Variants in FNDC4 observed in about 807,000 individuals in gnomAD.
FNDC4 encodes fibronectin type III domain containing 4, also known as fibronectin type III domain-containing protein 4.
Under a neutral mutation model 25.1 loss-of-function variants are expected in FNDC4, and 11 were observed. That is an observed-to-expected ratio of 0.44 (90% CI 0.28 to 0.73). The LOEUF (loss-of-function observed/expected upper bound fraction) is 0.73. Ranked by LOEUF, FNDC4 falls within the 30% of genes least tolerant of loss-of-function variation. FNDC4 has a pLI of 0.16. For missense variants in FNDC4, 250 were observed against 304.3 expected (o/e 0.82, Z 1.33); for synonymous variants, 136 against 118.8 (o/e 1.14, Z -0.94).
In FNDC4 at chr2:27,494,150, G is replaced by A; in HGVS notation, c.250-16C>T. Reference sequence around the variant, plus strand: ...CATTCTGCCGCTGCAGGGAGATGAGGGGAGAGGAGGACAGCCTCACCCCAG... The same window carrying A: ...CATTCTGCCGCTGCAGGGAGATGAGAGGAGAGGAGGACAGCCTCACCCCAG... On this transcript the variant is annotated splice_polypyrimidine_tract_variant and intron_variant, in intron 3 of 6. Transcript: ENST00000264703. This position sits in a 1 kb window ranked among gnomAD's most constrained non-coding sequence, Gnocchi z 4.6. 6.2e-7 allele frequency: 1 copy of A among 1,611,626 alleles called. No individual in the cohort carries two copies. Among genetic ancestry groups the A allele is most frequent in the Non-Finnish European group, 8.5e-7 (1 of 1,178,708 alleles).
Position 27,494,019 on chromosome 2 carries a change from C to A in FNDC4, c.365G>T (p.Gly122Val). 1 of 1,614,218 alleles carries A rather than the reference C, an allele frequency of 6.2e-7. No homozygotes were observed. Among genetic ancestry groups the A allele is most frequent in the Non-Finnish European group, 8.5e-7 (1 of 1,180,020 alleles). Residue 122 changes from glycine to valine, a missense_variant, in exon 4 of 7, where the codon GGC becomes GTC. Physicochemically the swap from Gly to Val is moderately radical, Grantham distance 109 (BLOSUM62 -3). Transcript: ENST00000264703. The surrounding 1 kb of genome is among the most constrained non-coding windows in gnomAD (Gnocchi z 4.6). ...CCCTGGGGGACTCTCTCCCCGAAGGCCGATGCTCCTGACCTGCACTGTGTA... is the reference window on the plus strand; with the variant it reads ...CCCTGGGGGACTCTCTCCCCGAAGGACGATGCTCCTGACCTGCACTGTGTA... ...SDYTVQVRSI[G>V]LRGESPPGPR...
chr2:27,494,274 A>C lies in FNDC4; in HGVS notation c.249+77T>G. Reference sequence around the variant, plus strand: ...CCTGAGCCAGGATACGCCAGCTTCCAGATCCCCCCCACTTAAGTGAAGAAA... The same window carrying C: ...CCTGAGCCAGGATACGCCAGCTTCCCGATCCCCCCCACTTAAGTGAAGAAA... On this transcript the variant is annotated intron_variant, in intron 3 of 6. Coordinates refer to ENST00000264703, the MANE Select transcript of FNDC4 (RefSeq NM_022823.3). The surrounding 1 kb of genome is among the most constrained non-coding windows in gnomAD (Gnocchi z 4.6). 1 of 1,430,726 alleles carries C rather than the reference A, an allele frequency of 7.0e-7. No individual in the cohort carries two copies. Among genetic ancestry groups the C allele is most frequent in the Non-Finnish European group, 9.8e-7 (1 of 1,023,050 alleles). 88.6% of individuals were successfully genotyped at this position (1,430,726 alleles called of 1,614,324 possible). A position where few individuals can be genotyped will look rare whatever the true frequency, so the allele number is the denominator to read the frequency against.
At position 27,493,480 on chromosome 2, in the gene FNDC4, T is replaced by TGAGAAGG; in HGVS notation, c.455-9_455-3dup. The TGAGAAGG allele has an allele frequency of 2.5e-6, 4 of 1,611,350 alleles. No individual in the cohort carries two copies. The highest frequency in any genetic ancestry group is 3.4e-6 in the Non-Finnish European group (4 of 1,177,646). On this transcript the variant is annotated splice_region_variant and splice_polypyrimidine_tract_variant and intron_variant, in intron 4 of 6. Coordinates refer to ENST00000264703, the MANE Select transcript of FNDC4 (RefSeq NM_022823.3). ...CCAGACCTTCCACTGTGATGTCACC[T>TGAGAAGG]GAGAAGGGAGAAGGCAGAAGGCAGA...
Position 27,492,543 on chromosome 2 carries a change from GC to G in FNDC4, c.670-66del. On this transcript the variant is annotated intron_variant, in intron 6 of 6. Transcript: ENST00000264703. This position sits in a 1 kb window ranked among gnomAD's most constrained non-coding sequence, Gnocchi z 4.1. ...TAATAGGTGCCACCCTTTCTCTCCA[GC>G]CTCCCCCATCCCAGATCTTCCATTC... 6.3e-7 allele frequency: 1 copy of G among 1,589,830 alleles called. No homozygotes were observed. The highest frequency in any genetic ancestry group is 8.6e-7 in the Non-Finnish European group (1 of 1,157,998).
intron 5 of FNDC4, 114 bp downstream of exon 5, chr2:27,493,275 G>A: frequency 7.2e-6 from 6 of 836,742 alleles, no homozygotes; most frequent in Non-Finnish European, 1.2e-5. Flanking sequence ...GCCTCCCAAA[G>A]TGCTGGGATT....
chr2:27,493,644 T>C (rs1258292426), intron 4 of FNDC4, among the ~76,000 whole-genome samples, 166 bp from the exon 5 acceptor site: 2 of 152,134 alleles, frequency 1.3e-5, no homozygotes, highest in African/African-American at 4.8e-5. Flanking sequence ...GACAGGTGGT[T>C]AGCGACCAAA....
chr2:27,493,995 C>T lies in FNDC4; in HGVS notation c.389G>A (p.Gly130Glu), dbSNP rs1445400408. The T allele has an allele frequency of 1.9e-6, 3 of 1,614,210 alleles. No homozygotes were observed. Among genetic ancestry groups the T allele is most frequent in the Non-Finnish European group, 2.5e-6 (3 of 1,180,044 alleles). Residue 130 changes from glycine (G) to glutamate (E), a missense_variant, in exon 4 of 7, where the codon GGG becomes GAG. By Grantham distance (98) the Gly-to-Glu change is moderately conservative (BLOSUM62 -2). Transcript: ENST00000264703. ...SIGLRGESPP[G>E]PRVHFRTLKG... Reference sequence around the variant, plus strand: ...GAGAGTTCGGAAGTGCACCCGGGGCCCTGGGGGACTCTCTCCCCGAAGGCC... The same window carrying T: ...GAGAGTTCGGAAGTGCACCCGGGGCTCTGGGGGACTCTCTCCCCGAAGGCC...
In FNDC4 at chr2:27,494,601, G is replaced by T; in HGVS notation, c.79C>A (p.Leu27Ile). 6.2e-7 allele frequency: 1 copy of T among 1,612,158 alleles called. No homozygotes were observed. The highest frequency in any genetic ancestry group is 1.7e-4 in the Middle Eastern group (1 of 6,044). The change falls in exon 2 of 7, where the codon CTA becomes ATA. Residue 27 changes from leucine (L) to isoleucine (I), a missense_variant. Leu to Ile is a conservative substitution (Grantham distance 5). Coordinates refer to ENST00000264703, the MANE Select transcript of FNDC4 (RefSeq NM_022823.3). This position sits in a 1 kb window ranked among gnomAD's most constrained non-coding sequence, Gnocchi z 4.6. ...ACCAGCAGGAGGACCGTGGGGCTTA[G>T]ATATGGGGAAAGGGGCACCAGCGAA... ...MASLVPLSPY[L>I]SPTVLLLVSC...
chr2:27,494,340 G>T lies in FNDC4; in HGVS notation c.249+11C>A. ...GGACACAGGTTGGGGGAGCAGAAGGGTGATTCATACTTGCTGGGAAATGGA... is the reference window on the plus strand; with the variant it reads ...GGACACAGGTTGGGGGAGCAGAAGGTTGATTCATACTTGCTGGGAAATGGA... On this transcript the variant is annotated intron_variant, in intron 3 of 6. Coordinates refer to ENST00000264703, the MANE Select transcript of FNDC4 (RefSeq NM_022823.3). This position sits in a 1 kb window ranked among gnomAD's most constrained non-coding sequence, Gnocchi z 4.6. 2 of 1,600,630 alleles carry T rather than the reference G, an allele frequency of 1.2e-6. No homozygotes were observed. The highest frequency in any genetic ancestry group is 1.7e-6 in the Non-Finnish European group (2 of 1,167,672).
chr2:27,494,971 C>G lies in FNDC4; in HGVS notation c.-118G>C, dbSNP rs986172091. 1 of 248,670 alleles carries G rather than the reference C, an allele frequency of 4.0e-6. No homozygotes were observed. The highest frequency in any genetic ancestry group is 2.2e-5 in the African/African-American group (1 of 44,574). The allele number at this position is 248,670 out of a possible 1,614,324, so 15.4% of individuals were successfully genotyped here. On this transcript the variant is annotated 5_prime_UTR_variant, in exon 1 of 7. The change abolishes an upstream ATG in the 5' untranslated region. Coordinates refer to ENST00000264703, the MANE Select transcript of FNDC4 (RefSeq NM_022823.3). The surrounding 1 kb of genome is among the most constrained non-coding windows in gnomAD (Gnocchi z 4.6). ...CGACTCGGTGGCGCTGCCCCTACCC[C>G]ATCCCGGCGCGGGCCCGGCGACGCG... is the stretch of plus-strand genomic sequence containing the variant.
chr2:27,494,019 C>G lies in FNDC4; in HGVS notation c.365G>C (p.Gly122Ala). Residue 122 changes from glycine (G) to alanine (A), a missense_variant, in exon 4 of 7, where the codon GGC (glycine) becomes GCC (alanine). Transcript: ENST00000264703. This position sits in a 1 kb window ranked among gnomAD's most constrained non-coding sequence, Gnocchi z 4.6. ...CCCTGGGGGACTCTCTCCCCGAAGG[C>G]CGATGCTCCTGACCTGCACTGTGTA... ...SDYTVQVRSI[G>A]LRGESPPGPR... 6.2e-7 allele frequency: 1 copy of G among 1,614,218 alleles called. No homozygotes were observed. The highest frequency in any genetic ancestry group is 8.5e-7 in the Non-Finnish European group (1 of 1,180,020).
In FNDC4 at chr2:27,492,339, AT is replaced by A. The variant is rs944705023; in HGVS notation, c.*103del. 1.7e-5 allele frequency: 24 copies of A among 1,395,944 alleles called. No individual in the cohort carries two copies. In the African/African-American group the frequency reaches 2.4e-4, roughly 14 times the overall value. 86.5% of individuals were successfully genotyped at this position (1,395,944 alleles called of 1,614,324 possible). A position where few individuals can be genotyped will look rare whatever the true frequency, so the allele number is the denominator to read the frequency against. On this transcript the variant is annotated 3_prime_UTR_variant, in exon 7 of 7. Coordinates refer to ENST00000264703, the MANE Select transcript of FNDC4 (RefSeq NM_022823.3). This position sits in a 1 kb window ranked among gnomAD's most constrained non-coding sequence, Gnocchi z 4.1. The stretch of plus-strand genomic sequence containing the variant: ...CCAGGCCTGAGATTGTGGGAGTGGC[AT>A]TACCCTCTGGGAGTCTCGGGCAGAT...
chr2:27,493,913 A>G lies in FNDC4; in HGVS notation c.454+17T>C, dbSNP rs780934969. The G allele has an allele frequency of 2.5e-6, 4 of 1,612,346 alleles. No homozygotes were observed. The highest frequency in any genetic ancestry group is 2.7e-5 in the African/African-American group (2 of 74,920). Reference sequence around the variant, plus strand: ...GCCAGGTAAGCAGCCAGAGAATCCAATAGCACAGATCCTCACCTGGGCTTG... The same window carrying G: ...GCCAGGTAAGCAGCCAGAGAATCCAGTAGCACAGATCCTCACCTGGGCTTG... On this transcript the variant is annotated intron_variant, in intron 4 of 6. Coordinates refer to ENST00000264703, the MANE Select transcript of FNDC4 (RefSeq NM_022823.3).
Position 27,492,256 on chromosome 2 carries a change from C to T in FNDC4, c.*187G>A, listed in dbSNP as rs750613035. The T allele has an allele frequency of 1.5e-6, 1 of 683,374 alleles. No individual in the cohort carries two copies. Among genetic ancestry groups the T allele is most frequent in the Non-Finnish European group, 2.6e-6 (1 of 387,744 alleles). The allele number at this position is 683,374 out of a possible 1,614,324, so 42.3% of individuals were successfully genotyped here. A position where few individuals can be genotyped will look rare whatever the true frequency, so the allele number is the denominator to read the frequency against. On this transcript the variant is annotated 3_prime_UTR_variant, in exon 7 of 7. Transcript: ENST00000264703. This position sits in a 1 kb window ranked among gnomAD's most constrained non-coding sequence, Gnocchi z 4.1. Reference sequence around the variant, plus strand: ...GATATCCACTCCCCAGGTCCAGGGGCACAGACTCTGAACAGACCTACCTTC... The same window carrying T: ...GATATCCACTCCCCAGGTCCAGGGGTACAGACTCTGAACAGACCTACCTTC...
chr2:27,492,850 A>C lies in FNDC4; in HGVS notation c.545-60T>G. ...CTTCCCCCCTCATAGGGAGATACCT[A>C]CGTAGCTTCTAGAAAATCCATGAAG... On this transcript the variant is annotated intron_variant, in intron 5 of 6. Transcript: ENST00000264703. The surrounding 1 kb of genome is among the most constrained non-coding windows in gnomAD (Gnocchi z 4.1). 6.2e-7 allele frequency: 1 copy of C among 1,600,356 alleles called. No individual in the cohort carries two copies. The highest frequency in any genetic ancestry group is 8.5e-7 in the Non-Finnish European group (1 of 1,170,584).
At position 27,494,291 on chromosome 2, in the gene FNDC4, G is replaced by A. The variant is rs1669328049; in HGVS notation, c.249+60C>T. 2 of 1,490,332 alleles carry A rather than the reference G, an allele frequency of 1.3e-6. No individual in the cohort carries two copies. Among genetic ancestry groups the A allele is most frequent in the Non-Finnish European group, 1.9e-6 (2 of 1,072,628 alleles). The allele number at this position is 1,490,332 out of a possible 1,614,324, so 92.3% of individuals were successfully genotyped here. On this transcript the variant is annotated intron_variant, in intron 3 of 6. Transcript: ENST00000264703. This position sits in a 1 kb window ranked among gnomAD's most constrained non-coding sequence, Gnocchi z 4.6. ...CAGCTTCCAGATCCCCCCCACTTAA[G>A]TGAAGAAATGTGCCGAAATCCAAGG...
chr2:27,492,804 CA>C lies in FNDC4; in HGVS notation c.545-15del. On this transcript the variant is annotated splice_polypyrimidine_tract_variant and intron_variant, in intron 5 of 6. Coordinates refer to ENST00000264703, the MANE Select transcript of FNDC4 (RefSeq NM_022823.3). The surrounding 1 kb of genome is among the most constrained non-coding windows in gnomAD (Gnocchi z 4.1). ...GCCCAATTACAGCTGAAACACAATACAGTCTGAGCCTTCATCTCCACTTCCC... is the reference window on the plus strand; with the variant it reads ...GCCCAATTACAGCTGAAACACAATACGTCTGAGCCTTCATCTCCACTTCCC... 3 of 1,613,954 alleles carry C rather than the reference CA, an allele frequency of 1.9e-6. No individual in the cohort carries two copies. The highest frequency in any genetic ancestry group is 2.5e-6 in the Non-Finnish European group (3 of 1,180,002).
Position 27,494,413 on chromosome 2 carries a change from C to T in FNDC4, c.187G>A (p.Ala63Thr). ...TCTGGGACGTCCCAGGACACAGTGG[C>T]CGAGTTGGCTCTGAGGTGAGTGACC... ...VTVTHLRANS[A>T]TVSWDVPEGN... The change falls in exon 3 of 7, where the codon GCC becomes ACC. Residue 63 changes from alanine (A) to threonine (T), a missense_variant. Ala to Thr is a moderately conservative substitution (Grantham distance 58). Coordinates refer to ENST00000264703, the MANE Select transcript of FNDC4 (RefSeq NM_022823.3). The surrounding 1 kb of genome is among the most constrained non-coding windows in gnomAD (Gnocchi z 4.6). The T allele has an allele frequency of 1.2e-6, 2 of 1,614,176 alleles. No homozygotes were observed. Among genetic ancestry groups the T allele is most frequent in the South Asian group, 2.2e-5 (2 of 91,076 alleles).
chr2:27,494,844 G>T lies in FNDC4; in HGVS notation c.-25+34C>A. On this transcript the variant is annotated intron_variant, in intron 1 of 6. Coordinates refer to ENST00000264703, the MANE Select transcript of FNDC4 (RefSeq NM_022823.3). This position sits in a 1 kb window ranked among gnomAD's most constrained non-coding sequence, Gnocchi z 4.6. ...CTCCCGCCCCCGCATTGCCCGGGCG[G>T]CCCCAGAGTGCGGTCCGCCCTGCCC... 1.7e-6 allele frequency: 1 copy of T among 576,862 alleles called. No homozygotes were observed. The highest frequency in any genetic ancestry group is 3.0e-6 in the Non-Finnish European group (1 of 328,236). 35.7% of individuals were successfully genotyped at this position (576,862 alleles called of 1,614,324 possible).
Sources: allele counts gnomAD v4.1 joint callset (sites outside exome capture counted in the v4.1 genomes callset), GRCh38; gene constraint gnomAD v4.1.1; non-coding constraint Gnocchi (gnomAD v3.1); transcripts MANE v1.5; gene names NCBI Gene and HGNC (gene_info 2026-07-23, HGNC 2026-07-21).